The following IREB2 variants were observed in gnomAD, a reference collection of about 807,000 sequenced individuals.
IREB2 encodes iron responsive element binding protein 2, also known as iron-responsive element-binding protein 2.
Under a neutral mutation model 118.8 loss-of-function variants are expected in IREB2, and 39 were observed. The ratio of observed to expected loss-of-function variants is 0.33; its 90% CI spans 0.25 to 0.43. IREB2 has a LOEUF of 0.43. Ranked by LOEUF, IREB2 falls within the 20% of genes least tolerant of loss-of-function variation. IREB2 has a pLI of 1.00. For synonymous variants in IREB2, 372 were observed against 392.2 expected (o/e 0.95, Z 0.61); for missense variants, 900 against 1,147.3 (o/e 0.78, Z 3.11).
chr15:78,478,261 C>A, intron 9 of IREB2, 36 bp from the exon 10 acceptor site: 3 of 1,285,048 alleles, frequency 2.3e-6, no homozygotes, highest in Non-Finnish European at 3.4e-6. Flanking sequence ...ATAAATTTCT[C>A]ACTGCATTTT....
rs1345707977 is a variant in IREB2 at position 78,488,163 on chromosome 15, G to C, written c.1795-17G>C. On this transcript the variant is annotated splice_polypyrimidine_tract_variant and intron_variant, in intron 14 of 21. Coordinates refer to ENST00000258886, the MANE Select transcript of IREB2 (RefSeq NM_004136.4). ...TAGAATTGAATTTATTTGTTTGTGT[G>C]TTTGTGTTTTTTTCAGGGTGATTTG... 3 of 1,596,222 alleles carry C rather than the reference G, an allele frequency of 1.9e-6. No homozygotes were observed. The highest frequency in any genetic ancestry group is 2.6e-6 in the Non-Finnish European group (3 of 1,172,568).
At chr15:78,469,868 T>C (rs951678515) in intron 5 of IREB2, among the ~76,000 whole-genome samples, 1 of 152,234 alleles carries the variant, frequency 6.6e-6, no homozygotes, top group Non-Finnish European at 1.5e-5. Flanking sequence ...AGCTTAAAGC[T>C]GTTTGAAATA....
intron 2 of IREB2, among the ~76,000 whole-genome samples, chr15:78,448,149 A>G (rs112983574): frequency 1.1e-4 from 17 of 151,976 alleles, no homozygotes; most frequent in East Asian, 3.9e-4. Flanking sequence ...ATGTATGTAT[A>G]TATTTATTTA....
At chr15:78,483,203 T>C (rs1288701888) in intron 10 of IREB2, 115 bp from the exon 11 acceptor site, 6 of 558,190 alleles carry the variant, frequency 1.1e-5, no homozygotes, top group African/African-American at 3.8e-5. Context: ...TAAAATAAAT[T>C]GCATTAAAAT....
In IREB2 at chr15:78,497,117, T is replaced by C; in HGVS notation, c.2596-9T>C. The C allele has an allele frequency of 6.2e-7, 1 of 1,607,664 alleles. No individual in the cohort carries two copies. The highest frequency in any genetic ancestry group is 8.5e-7 in the Non-Finnish European group (1 of 1,174,236). ...TGATTAGAGGGAATAAAATGCACAT[T>C]TATTACAGGGTGTGAAAGCTGTTTT... On this transcript the variant is annotated splice_polypyrimidine_tract_variant and intron_variant, in intron 20 of 21. Transcript: ENST00000258886.
At chr15:78,452,544 C>T (rs1388075447) in intron 2 of IREB2, among the ~76,000 whole-genome samples, 1 of 151,976 alleles carries the variant, frequency 6.6e-6, no homozygotes, top group African/African-American at 2.4e-5. Flanking sequence ...CTGAGGAACT[C>T]CTACATTTAG....
intron 2 of IREB2, among the ~76,000 whole-genome samples, chr15:78,449,497 G>A (rs778931836): frequency 6.6e-6 from 1 of 152,180 alleles, no homozygotes; most frequent in Non-Finnish European, 1.5e-5. Context: ...ATATAGAGAG[G>A]TAGGTGCTTA....
intron 2 of IREB2, among the ~76,000 whole-genome samples, chr15:78,461,665 C>T (rs1045169260): frequency 2.6e-5 from 4 of 152,148 alleles, no homozygotes; most frequent in African/African-American, 4.8e-5. Flanking sequence ...CATACTTCCT[C>T]CTCCTCGCCC....
At chr15:78,441,726 T>C (rs2050847291) in intron 2 of IREB2, among the ~76,000 whole-genome samples, 1 of 152,194 alleles carries the variant, frequency 6.6e-6, no homozygotes, top group African/African-American at 2.4e-5. Flanking sequence ...TAAGTTGTCA[T>C]GGGAATTTGT....
At chr15:78,490,567 T>C (rs1183703803) in intron 17 of IREB2, 41 bp downstream of exon 17, 3 of 1,606,752 alleles carry the variant, frequency 1.9e-6, no homozygotes, top group South Asian at 1.1e-5. Context: ...AAGATTGTTA[T>C]AAACTAAGAA....
chr15:78,446,389 A>G (rs1295282286), intron 2 of IREB2, among the ~76,000 whole-genome samples: 1 of 152,166 alleles, frequency 6.6e-6, no homozygotes, highest in Non-Finnish European at 1.5e-5. Flanking sequence ...TTTGGTTCCA[A>G]GGAACAGACA....
intron 2 of IREB2, among the ~76,000 whole-genome samples, chr15:78,440,513 A>G (rs779754221): frequency 6.6e-6 from 1 of 152,050 alleles, no homozygotes; most frequent in Non-Finnish European, 1.5e-5. Context: ...GTGTATGCCA[A>G]CACATTTATA....
chr15:78,496,964 G>A (rs567100757), intron 20 of IREB2, among the ~76,000 whole-genome samples, 162 bp from the exon 21 acceptor site: 2 of 152,296 alleles, frequency 1.3e-5, no homozygotes, highest in African/African-American at 4.8e-5. Flanking sequence ...AAAATAATCT[G>A]TAAGAAGGTT....
chr15:78,481,258 A>G (rs1265172486), intron 10 of IREB2, among the ~76,000 whole-genome samples: 1 of 152,110 alleles, frequency 6.6e-6, no homozygotes, highest in Non-Finnish European at 1.5e-5. Flanking sequence ...GCTGGAGTGC[A>G]GTGGCGTGAT....
At chr15:78,497,967 T>A in intron 21 of IREB2, 66 bp from the exon 22 acceptor site, 2 of 850,376 alleles carry the variant, frequency 2.4e-6, no homozygotes, top group Non-Finnish European at 4.0e-6. Flanking sequence ...AGACAAATGG[T>A]CTTAACCATC....
chr15:78,461,440 A>G (rs896538755), intron 2 of IREB2, among the ~76,000 whole-genome samples: 1 of 152,222 alleles, frequency 6.6e-6, no homozygotes, highest in African/African-American at 2.4e-5. Flanking sequence ...AGCTCTTAGA[A>G]GTAGGTTAAC....
chr15:78,465,285 A>G lies in IREB2; in HGVS notation c.307A>G (p.Arg103Gly), dbSNP rs767869293. ...IPAMVDFAAM[R>G]EAVKTLGGDP... ...AGCAATGGTGGATTTTGCTGCTATGAGGGAGGCAGTGAAAACTCTTGGAGG... is the reference window on the plus strand; with the variant it reads ...AGCAATGGTGGATTTTGCTGCTATGGGGGAGGCAGTGAAAACTCTTGGAGG... The change falls in exon 4 of 22, where the codon AGG becomes GGG. Residue 103 changes from arginine (R) to glycine (G), a missense_variant. Coordinates refer to ENST00000258886, the MANE Select transcript of IREB2 (RefSeq NM_004136.4). 6.2e-7 allele frequency: 1 copy of G among 1,612,888 alleles called. No individual in the cohort carries two copies. The highest frequency in any genetic ancestry group is 8.5e-7 in the Non-Finnish European group (1 of 1,179,546).
chr15:78,466,622 G>A (rs1566973551), intron 5 of IREB2, 133 bp downstream of exon 5: 2 of 629,700 alleles, frequency 3.2e-6, no homozygotes, highest in Non-Finnish European at 5.5e-6. Context: ...ATTTTTATAT[G>A]TATTTCCTGT....
chr15:78,458,658 C>T (rs1216355447), intron 2 of IREB2, among the ~76,000 whole-genome samples: 1 of 152,172 alleles, frequency 6.6e-6, no homozygotes, highest in African/African-American at 2.4e-5. Context: ...ACTCACCTCC[C>T]TCATAGCACC....
Sources: allele counts gnomAD v4.1 joint callset (sites outside exome capture counted in the v4.1 genomes callset), GRCh38; gene constraint gnomAD v4.1.1; transcripts MANE v1.5; gene names NCBI Gene and HGNC (gene_info 2026-07-23, HGNC 2026-07-21).